The following TMEM181 variants were observed in gnomAD, a reference collection of about 807,000 sequenced individuals.
The protein encoded by TMEM181 is transmembrane protein 181.
TMEM181 carries 39 observed loss-of-function variants against 71.9 expected under a neutral mutation model. The observed-to-expected ratio is 0.54, with a 90% CI of 0.42 to 0.71. The LOEUF (loss-of-function observed/expected upper bound fraction) is 0.71. Among genes scored for constraint, TMEM181 ranks in the 30% least tolerant of loss-of-function variants. The pLI, the probability that TMEM181 is intolerant of heterozygous loss-of-function variation, is 0.00. For missense variants in TMEM181, 595 were observed against 583.0 expected, an observed-to-expected ratio of 1.02 and a Z score of -0.21; for synonymous variants, 245 against 228.8, an observed-to-expected ratio of 1.07 and a Z score of -0.64.
rs1283180174 is a variant in TMEM181 at position 158,616,729 on chromosome 6, T to A, written c.897-6821T>A. 3.3e-5 allele frequency among the ~76,000 whole-genome samples: 5 copies of A among 152,358 alleles called. No homozygotes were observed. The South Asian group carries it at 8.3e-4, about 25-fold the overall frequency. Reference sequence around the variant, plus strand: ...AATTTTGTCAGAGGCCTTTTCTGCATCTATTGAGATAATCACGTGGTTTTT... The same window carrying A: ...AATTTTGTCAGAGGCCTTTTCTGCAACTATTGAGATAATCACGTGGTTTTT... On this transcript the variant is annotated intron_variant, in intron 10 of 16. Transcript: ENST00000684151.
intron 13 of TMEM181, among the ~76,000 whole-genome samples, chr6:158,626,214 T>A (rs568885013): frequency 2.6e-5 from 4 of 152,144 alleles, no homozygotes; most frequent in Non-Finnish European, 4.4e-5. Flanking sequence ...GGGAGTGGCG[T>A]CAGCCTGAGG....
At chr6:158,602,807 C>T (rs4709230) in intron 6 of TMEM181, among the ~76,000 whole-genome samples, 43,763 of 151,878 alleles carry the variant, frequency 0.29, 6,778 homozygotes, top group East Asian at 0.61. Context: ...ACCTCAAACT[C>T]CTGGCCTCAA....
intron 6 of TMEM181, among the ~76,000 whole-genome samples, chr6:158,599,081 CTGTGGTTGTCCAT>C (rs766325135): frequency 1.3e-5 from 2 of 152,220 alleles, no homozygotes; most frequent in Non-Finnish European, 2.9e-5. Flanking sequence ...CGGTCTGTTT[CTGTGGTTGTCCAT>C]TCAGAGGACT....
chr6:158,619,650 C>G (rs1438701363), intron 10 of TMEM181, among the ~76,000 whole-genome samples: 4 of 152,134 alleles, frequency 2.6e-5, no homozygotes, highest in Non-Finnish European at 4.4e-5. Flanking sequence ...GCAGGCCGAT[C>G]ATGAGGTTAG....
At position 158,632,815 on chromosome 6, in the gene TMEM181, C is replaced by G. The variant is rs993820843; in HGVS notation, c.*927C>G. The G allele has an allele frequency of 1.3e-5, 2 of 152,468 alleles. No individual in the cohort carries two copies. Among genetic ancestry groups the G allele is most frequent in the Non-Finnish European group, 2.9e-5 (2 of 68,234 alleles). 9.4% of individuals were successfully genotyped at this position (152,468 alleles called of 1,614,324 possible). A position where few individuals can be genotyped will look rare whatever the true frequency, so the allele number is the denominator to read the frequency against. On this transcript the variant is annotated 3_prime_UTR_variant, in exon 17 of 17. Transcript: ENST00000684151. ...AGGTGCAGTGGCTCACATCTGTAATCTCAACACTTTGGGAGGCCAAGGTGG... is the reference window on the plus strand; with the variant it reads ...AGGTGCAGTGGCTCACATCTGTAATGTCAACACTTTGGGAGGCCAAGGTGG...
intron 6 of TMEM181, among the ~76,000 whole-genome samples, chr6:158,590,479 A>T (rs1306288637): frequency 1.3e-5 from 2 of 151,466 alleles, no homozygotes; most frequent in Non-Finnish European, 2.9e-5. Context: ...TGTTTTTGAG[A>T]CAGAGACTCA....
chr6:158,612,232 G>C (rs1785371668), intron 10 of TMEM181, among the ~76,000 whole-genome samples: 1 of 152,206 alleles, frequency 6.6e-6, no homozygotes, highest in Non-Finnish European at 1.5e-5. Context: ...TGAAACGTAA[G>C]AAGTTAGAAA....
In TMEM181 at chr6:158,620,133, C is replaced by T. The variant is rs978444919; in HGVS notation, c.897-3417C>T. On this transcript the variant is annotated intron_variant, in intron 10 of 16. Transcript: ENST00000684151. This position sits in a 1 kb window ranked among gnomAD's most constrained non-coding sequence, Gnocchi z 4.5. ...AGGAGTCCCTGTGAGCCAAGTTTGG[C>T]GAGGTTGTGAAGGAGACAGCCCAGA... Among the ~76,000 whole-genome samples the T allele has an allele frequency of 3.9e-5, 6 of 152,002 alleles. No individual in the cohort carries two copies. Among genetic ancestry groups the T allele is most frequent in the African/African-American group, 7.3e-5 (3 of 41,364 alleles).
At chr6:158,628,901 G>A (rs1388128988) in intron 14 of TMEM181, among the ~76,000 whole-genome samples, 2 of 152,264 alleles carry the variant, frequency 1.3e-5, no homozygotes, top group Non-Finnish European at 2.9e-5. Flanking sequence ...ACTGTGGGGT[G>A]GCTGAGGGCT....
intron 1 of TMEM181, among the ~76,000 whole-genome samples, chr6:158,564,887 C>T (rs1295429086): frequency 3.9e-5 from 6 of 152,144 alleles, no homozygotes; most frequent in East Asian, 1.9e-4. Context: ...TTAAAGTCCC[C>T]GACTACTGCT....
At chr6:158,617,324 G>A (rs1458880014) in intron 10 of TMEM181, among the ~76,000 whole-genome samples, 1 of 152,096 alleles carries the variant, frequency 6.6e-6, no homozygotes, top group Non-Finnish European at 1.5e-5. Context: ...GGGTTCGGTG[G>A]TGATATCCCC....
intron 10 of TMEM181, among the ~76,000 whole-genome samples, chr6:158,609,278 T>C (rs1228555562): frequency 1.3e-5 from 2 of 152,206 alleles, no homozygotes; most frequent in African/African-American, 4.8e-5. Flanking sequence ...GATCCTTATA[T>C]ATAGCTGTTT....
chr6:158,557,505 A>ATTATTTATTTATTTATTTAT (rs4022177), upstream of TMEM181, among the ~76,000 whole-genome samples: 778 of 146,930 alleles, frequency 5.3e-3, 15 homozygotes, highest in African/African-American at 0.018. Flanking sequence ...CACAGCTGTA[A>ATTATTTATTTATTTATTTAT]TTATTTATTT....
chr6:158,560,523 G>T (rs1053957717), intron 1 of TMEM181, among the ~76,000 whole-genome samples: 1 of 151,800 alleles, frequency 6.6e-6, no homozygotes, highest in Non-Finnish European at 1.5e-5. Flanking sequence ...AGCGCTCACC[G>T]GGGGGCCGAG....
chr6:158,597,242 T>C (rs539080964), intron 6 of TMEM181, among the ~76,000 whole-genome samples: 45 of 152,342 alleles, frequency 3.0e-4, no homozygotes, highest in Middle Eastern at 6.8e-3. Flanking sequence ...CTTAAATGTT[T>C]ATCTTTTAAG....
chr6:158,599,450 C>G (rs1463895762), intron 6 of TMEM181, among the ~76,000 whole-genome samples: 2 of 152,222 alleles, frequency 1.3e-5, no homozygotes, highest in Non-Finnish European at 2.9e-5. Flanking sequence ...AATGACAGTG[C>G]TTCAGATTTC....
intron 10 of TMEM181, among the ~76,000 whole-genome samples, chr6:158,617,020 T>C (rs751728190): frequency 2.0e-4 from 30 of 152,210 alleles, no homozygotes; most frequent in Admixed American, 2.6e-4. Flanking sequence ...GGAGGATTCC[T>C]TCTTTTTCTA....
At chr6:158,594,664 G>A (rs1335264964) in intron 6 of TMEM181, among the ~76,000 whole-genome samples, 1 of 152,140 alleles carries the variant, frequency 6.6e-6, no homozygotes, top group African/African-American at 2.4e-5. Flanking sequence ...AAGTTTTTGT[G>A]TGGACATAAG....
chr6:158,565,019 C>T (rs1005367218), intron 1 of TMEM181, among the ~76,000 whole-genome samples: 1 of 152,168 alleles, frequency 6.6e-6, no homozygotes, highest in Non-Finnish European at 1.5e-5. Context: ...TTGCGGAGAC[C>T]GAGATGAAGG....
Sources: allele counts gnomAD v4.1 joint callset (sites outside exome capture counted in the v4.1 genomes callset), GRCh38; gene constraint gnomAD v4.1.1; non-coding constraint Gnocchi (gnomAD v3.1); transcripts MANE v1.5; gene names NCBI Gene and HGNC (gene_info 2026-07-23, HGNC 2026-07-21).